PLCB1: variants seen among roughly 807,000 people sequenced by gnomAD.
The protein encoded by PLCB1 is 1-phosphatidylinositol 4,5-bisphosphate phosphodiesterase beta-1.
In PLCB1, 46 loss-of-function variants were observed where a neutral mutation model predicts 161.8. The ratio of observed to expected loss-of-function variants is 0.28; its 90% CI spans 0.22 to 0.36. The LOEUF is 0.36. PLCB1 is among the 10% of genes least tolerant of loss of function. The pLI, the probability that PLCB1 is intolerant of heterozygous loss-of-function variation, is 1.00. For synonymous variants in PLCB1, 517 were observed against 503.7 expected (o/e 1.03, Z -0.35); for missense variants, 1,016 against 1,472.5 (o/e 0.69, Z 5.07).
At chr20:8,523,486 CTCTCTCTCTCT>C (rs1984442081) in intron 3 of PLCB1, among the ~76,000 whole-genome samples, 1 of 61,172 alleles carries the variant, frequency 1.6e-5, no homozygotes, top group African/African-American at 9.0e-5. Flanking sequence ...CTCTCTCTCT[CTCTCTCTCTCT>C]ATATATATAT....
At chr20:8,772,487 T>C (rs1982737701) in intron 26 of PLCB1, among the ~76,000 whole-genome samples, 1 of 152,116 alleles carries the variant, frequency 6.6e-6, no homozygotes, top group African/African-American at 2.4e-5. Flanking sequence ...TTTCCTCAAA[T>C]GTAAGCTGGT....
At chr20:8,540,861 A>G (rs1325469342) in intron 3 of PLCB1, among the ~76,000 whole-genome samples, 1 of 152,132 alleles carries the variant, frequency 6.6e-6, no homozygotes, top group African/African-American at 2.4e-5. Context: ...ACCTTCTACC[A>G]GGGCTATTCT....
At chr20:8,437,168 C>G (rs535448760) in intron 3 of PLCB1, among the ~76,000 whole-genome samples, 26 of 152,220 alleles carry the variant, frequency 1.7e-4, no homozygotes, top group Non-Finnish European at 3.4e-4. Context: ...TAAAATAAGC[C>G]TATCAGAACC....
intron 3 of PLCB1, among the ~76,000 whole-genome samples, chr20:8,584,981 G>T (rs771431049): frequency 6.6e-6 from 1 of 152,098 alleles, no homozygotes; most frequent in Non-Finnish European, 1.5e-5. Context: ...GAGCCACCAC[G>T]CCTGGCCCTC....
At chr20:8,841,183 CT>C (rs1986491334) in intron 31 of PLCB1, among the ~76,000 whole-genome samples, 1 of 152,028 alleles carries the variant, frequency 6.6e-6, no homozygotes, top group Non-Finnish European at 1.5e-5. Flanking sequence ...ACAACAATAA[CT>C]TTAAAAAAAA....
At chr20:8,326,348 G>A (rs777922721) in intron 2 of PLCB1, among the ~76,000 whole-genome samples, 2 of 152,138 alleles carry the variant, frequency 1.3e-5, no homozygotes, top group Non-Finnish European at 2.9e-5. Context: ...CCCATGTCCT[G>A]AGTGTAAGAT....
At chr20:8,607,241 A>G (rs756774818) in intron 3 of PLCB1, among the ~76,000 whole-genome samples, 6 of 152,128 alleles carry the variant, frequency 3.9e-5, no homozygotes, top group Non-Finnish European at 8.8e-5. Context: ...CCTCCATGAA[A>G]TAGACTCAGT....
chr20:8,699,007 G>A (rs1302865909), intron 11 of PLCB1, among the ~76,000 whole-genome samples: 4 of 152,184 alleles, frequency 2.6e-5, no homozygotes. Context: ...CAGGGGGTAG[G>A]GGCCATTGGA....
chr20:8,786,404 C>T (rs1292845683), intron 27 of PLCB1, among the ~76,000 whole-genome samples: 1 of 152,168 alleles, frequency 6.6e-6, no homozygotes, highest in East Asian at 1.9e-4. Context: ...TTTCTGCTGG[C>T]CCAAGTCCTA....
At chr20:8,644,996 T>C (rs1178865302) in intron 4 of PLCB1, among the ~76,000 whole-genome samples, 2 of 152,156 alleles carry the variant, frequency 1.3e-5, no homozygotes, top group African/African-American at 4.8e-5. Flanking sequence ...AAAATTCTTA[T>C]CCTGTTGATC....
chr20:8,516,437 G>A (rs1984116566), intron 3 of PLCB1, among the ~76,000 whole-genome samples: 2 of 152,170 alleles, frequency 1.3e-5, no homozygotes, highest in Non-Finnish European at 1.5e-5. Context: ...GAGCAGAGAA[G>A]TGTCATCTCC....
intron 3 of PLCB1, among the ~76,000 whole-genome samples, chr20:8,562,065 C>T (rs1193779915): frequency 1.3e-5 from 2 of 151,958 alleles, no homozygotes; most frequent in East Asian, 3.9e-4. Flanking sequence ...AAACGGTCTT[C>T]GCTAAGTGAA....
chr20:8,520,425 G>A (rs570761187), intron 3 of PLCB1, among the ~76,000 whole-genome samples: 1 of 152,138 alleles, frequency 6.6e-6, no homozygotes, highest in Non-Finnish European at 1.5e-5. Flanking sequence ...AGTTAACCAT[G>A]GCCAACTGAT....
At chr20:8,446,617 TC>T (rs1980843753) in intron 3 of PLCB1, among the ~76,000 whole-genome samples, 1 of 152,174 alleles carries the variant, frequency 6.6e-6, no homozygotes. Flanking sequence ...GGGAGTCAAA[TC>T]GTCCCTGTTT....
At chr20:8,483,653 T>A (rs1268176162) in intron 3 of PLCB1, among the ~76,000 whole-genome samples, 1 of 152,158 alleles carries the variant, frequency 6.6e-6, no homozygotes, top group Non-Finnish European at 1.5e-5. Context: ...ACATTTGATT[T>A]GAGTTAAGGT....
chr20:8,601,055 C>A (rs921091393), intron 3 of PLCB1, among the ~76,000 whole-genome samples: 1 of 151,966 alleles, frequency 6.6e-6, no homozygotes, highest in African/African-American at 2.4e-5. Context: ...AGAAATCACC[C>A]GTCTTCTGCG....
At chr20:8,177,811 T>C (rs1253993527) in intron 2 of PLCB1, among the ~76,000 whole-genome samples, 1 of 152,126 alleles carries the variant, frequency 6.6e-6, no homozygotes, top group Non-Finnish European at 1.5e-5. Flanking sequence ...TAGTACCCAA[T>C]AGATAGTTTT....
At chr20:8,561,400 A>C (rs1986137199) in intron 3 of PLCB1, among the ~76,000 whole-genome samples, 1 of 151,914 alleles carries the variant, frequency 6.6e-6, no homozygotes, top group Non-Finnish European at 1.5e-5. Flanking sequence ...ATCTGTTCTA[A>C]GATAGTCGGG....
chr20:8,649,729 A>T, intron 7 of PLCB1: 1 of 444,534 alleles, frequency 2.2e-6, no homozygotes, highest in East Asian at 3.6e-5. Flanking sequence ...TAGCAAGAAG[A>T]CTTTTGCCAG....
Sources: allele counts gnomAD v4.1 joint callset (sites outside exome capture counted in the v4.1 genomes callset), GRCh38; gene constraint gnomAD v4.1.1; transcripts MANE v1.5; gene names NCBI Gene and HGNC (gene_info 2026-07-23, HGNC 2026-07-21).